Variants in KCNH8 observed in about 807,000 individuals in gnomAD.
KCNH8 encodes the protein voltage-gated delayed rectifier potassium channel KCNH8.
KCNH8 carries 70 observed loss-of-function variants against 103.6 expected under a neutral mutation model. The observed-to-expected ratio is 0.68, with a 90% CI of 0.56 to 0.82. KCNH8 has a LOEUF of 0.82. Ranked by LOEUF, KCNH8 falls within the 40% of genes least tolerant of loss-of-function variation. The probability of loss-of-function intolerance (pLI) is 0.00; values close to 1 mark genes in which losing one functional copy is unlikely to be tolerated. For synonymous variants in KCNH8, 498 were observed against 489.4 expected (o/e 1.02, Z -0.23); for missense variants, 1,217 against 1,329.9 (o/e 0.92, Z 1.32).
At chr3:19,530,010 T>G (rs1487889424) in intron 15 of KCNH8, among the ~76,000 whole-genome samples, 5 of 152,170 alleles carry the variant, frequency 3.3e-5, no homozygotes, top group African/African-American at 9.6e-5. Flanking sequence ...ATTCCCATTC[T>G]AAGTTCACGG....
intron 5 of KCNH8, among the ~76,000 whole-genome samples, chr3:19,377,295 T>C (rs1396359333): frequency 1.3e-5 from 2 of 152,204 alleles, no homozygotes; most frequent in African/African-American, 4.8e-5. Context: ...CATCTAGTGA[T>C]TAACACACAC....
At chr3:19,500,374 C>A (rs897620414) in intron 11 of KCNH8, among the ~76,000 whole-genome samples, 20 of 152,104 alleles carry the variant, frequency 1.3e-4, no homozygotes, top group Admixed American at 3.3e-4. Flanking sequence ...TTAGACAGAT[C>A]AATGAGACAG....
intron 5 of KCNH8, among the ~76,000 whole-genome samples, chr3:19,375,555 C>T (rs2066181187): frequency 6.6e-6 from 1 of 150,430 alleles, no homozygotes; most frequent in Admixed American, 6.6e-5. Flanking sequence ...GTTTGAATGT[C>T]CTCCCGTAGC....
intron 3 of KCNH8, among the ~76,000 whole-genome samples, chr3:19,341,446 G>A (rs369859857): frequency 5.3e-5 from 8 of 152,060 alleles, no homozygotes; most frequent in African/African-American, 1.9e-4. Context: ...GTCCTCTCCT[G>A]CACTGTTCAT....
At chr3:19,427,755 A>T (rs1186943198) in intron 7 of KCNH8, among the ~76,000 whole-genome samples, 1 of 152,160 alleles carries the variant, frequency 6.6e-6, no homozygotes, top group African/African-American at 2.4e-5. Flanking sequence ...GGTTTCTGGG[A>T]GAAGGGCTGG....
intron 3 of KCNH8, among the ~76,000 whole-genome samples, chr3:19,333,592 ATAG>A (rs1445722219): frequency 1.3e-5 from 2 of 152,192 alleles, no homozygotes; most frequent in Non-Finnish European, 2.9e-5. Flanking sequence ...TAACACTCTC[ATAG>A]TAACAAAATT....
chr3:19,314,570 TAAACAAACAAAC>T lies in KCNH8; in HGVS notation c.443-28002_443-27991del, dbSNP rs534699231. ...GTGCTACAGAACAAAACCCTGTCTC[TAAACAAACAAAC>T]AAACAAACAAACAACAAACAAAAAA... On this transcript the variant is annotated intron_variant, in intron 3 of 15. Coordinates refer to ENST00000328405, the MANE Select transcript of KCNH8 (RefSeq NM_144633.3). Among the ~76,000 whole-genome samples, 5 of 151,778 alleles carry T rather than the reference TAAACAAACAAAC, an allele frequency of 3.3e-5. No homozygotes were observed. In the East Asian group the frequency reaches 7.8e-4, roughly 24 times the overall value.
At chr3:19,497,657 G>T (rs1027272674) in intron 11 of KCNH8, among the ~76,000 whole-genome samples, 10 of 152,082 alleles carry the variant, frequency 6.6e-5, no homozygotes, top group African/African-American at 2.4e-4. Flanking sequence ...TTTTATGTCT[G>T]ATTTTGTGGT....
At chr3:19,235,047 G>T (rs2064046391) in intron 1 of KCNH8, among the ~76,000 whole-genome samples, 1 of 152,210 alleles carries the variant, frequency 6.6e-6, no homozygotes, top group Non-Finnish European at 1.5e-5. Flanking sequence ...TTTAGTATTA[G>T]AAGTGTTTTG....
intron 1 of KCNH8, among the ~76,000 whole-genome samples, chr3:19,205,756 A>G (rs1167934525): frequency 6.6e-6 from 1 of 152,058 alleles, no homozygotes; most frequent in Admixed American, 6.6e-5. Flanking sequence ...GCATTCCAGG[A>G]AGCATAAAAA....
At chr3:19,348,093 T>C (rs1429892596) in intron 5 of KCNH8, 128 bp downstream of exon 5, 7 of 1,108,656 alleles carry the variant, frequency 6.3e-6, no homozygotes, top group Non-Finnish European at 7.7e-6. Context: ...GTTGCAAATT[T>C]TGGAGAAGCA....
intron 5 of KCNH8, among the ~76,000 whole-genome samples, chr3:19,375,657 G>A (rs1470465995): frequency 1.8e-4 from 28 of 152,328 alleles, no homozygotes; most frequent in Non-Finnish European, 3.5e-4. Flanking sequence ...GAGGAACTCC[G>A]TTCCTTTGGA....
chr3:19,392,031 CT>C (rs1326363765), intron 6 of KCNH8, among the ~76,000 whole-genome samples: 1 of 151,240 alleles, frequency 6.6e-6, no homozygotes, highest in Non-Finnish European at 1.5e-5. Context: ...AAAGCGAATA[CT>C]TTTTTATGTT....
At chr3:19,245,496 A>T (rs1348233911) in intron 1 of KCNH8, among the ~76,000 whole-genome samples, 1 of 152,168 alleles carries the variant, frequency 6.6e-6, no homozygotes, top group African/African-American at 2.4e-5. Flanking sequence ...TCTGTGAAGG[A>T]TGATGTTGGT....
At chr3:19,394,325 ATGATACATATTTTTCAAT>A (rs2066482197) in intron 6 of KCNH8, among the ~76,000 whole-genome samples, 1 of 152,066 alleles carries the variant, frequency 6.6e-6, no homozygotes, top group African/African-American at 2.4e-5. Context: ...GTCCACACCA[ATGATACATATTTTTCAAT>A]TGGACCCTGA....
chr3:19,384,338 G>A (rs1007099343), intron 5 of KCNH8, among the ~76,000 whole-genome samples: 1 of 152,190 alleles, frequency 6.6e-6, no homozygotes, highest in Non-Finnish European at 1.5e-5. Context: ...TTGAGTGCCA[G>A]GGGCTCTGCA....
At chr3:19,184,561 C>T (rs112898276) in intron 1 of KCNH8, among the ~76,000 whole-genome samples, 2,837 of 151,926 alleles carry the variant, frequency 0.019, 85 homozygotes, top group African/African-American at 0.062. Flanking sequence ...TATAACTTTA[C>T]GAATGATAAT....
chr3:19,475,636 G>C (rs1236938606), intron 11 of KCNH8, among the ~76,000 whole-genome samples: 1 of 152,094 alleles, frequency 6.6e-6, no homozygotes, highest in East Asian at 1.9e-4. Context: ...TAAAATACAC[G>C]AGACTGTGTA....
chr3:19,483,212 T>G (rs751658804), intron 11 of KCNH8, among the ~76,000 whole-genome samples: 4 of 152,094 alleles, frequency 2.6e-5, no homozygotes, highest in Non-Finnish European at 5.9e-5. Context: ...TGCCCACATA[T>G]CCAGTATAAT....
Sources: allele counts gnomAD v4.1 joint callset (sites outside exome capture counted in the v4.1 genomes callset), GRCh38; gene constraint gnomAD v4.1.1; transcripts MANE v1.5; gene names NCBI Gene and HGNC (gene_info 2026-07-23, HGNC 2026-07-21).